The following ZNF536 variants were observed in gnomAD, a reference collection of about 807,000 sequenced individuals.
The protein encoded by ZNF536 is zinc finger protein 536.
In ZNF536, 13 loss-of-function variants were observed where a neutral mutation model predicts 84.5. The ratio of observed to expected loss-of-function variants is 0.15; its 90% CI spans 0.10 to 0.24. The LOEUF (loss-of-function observed/expected upper bound fraction) is 0.24, where lower values mean the gene tolerates loss of function less well. ZNF536 is among the 10% of genes least tolerant of loss of function. ZNF536 has a pLI of 1.00. For synonymous variants in ZNF536, 811 were observed against 742.5 expected, an observed-to-expected ratio of 1.09 and a Z score of -1.50; for missense variants, 1,536 against 1,747.5, an observed-to-expected ratio of 0.88 and a Z score of 2.16.
intron 2 of ZNF536, among the ~76,000 whole-genome samples, chr19:30,514,439 C>T (rs1326086702): frequency 6.6e-6 from 1 of 152,048 alleles, no homozygotes; most frequent in East Asian, 1.9e-4. Context: ...ACCCCTGGGT[C>T]CTGCAGGGGG....
rs551753285 is a variant in ZNF536 at position 30,393,953 on chromosome 19, G to A, written c.-3+21397G>A. Among the ~76,000 whole-genome samples the A allele has an allele frequency of 3.1e-3, 468 of 152,266 alleles. 3 individuals carry two copies. Among genetic ancestry groups the A allele is most frequent in the Non-Finnish European group, 3.7e-3 (255 of 68,030 alleles). ...CAGTGGTGGAGGAGATAGAGAGAAA[G>A]CAGATGTGAAACATGTGTGGGAAGA... On this transcript the variant is annotated intron_variant, in intron 1 of 4. Transcript: ENST00000355537.
intron 4 of ZNF536, among the ~76,000 whole-genome samples, chr19:30,552,682 C>A (rs531685533): frequency 6.6e-6 from 1 of 152,348 alleles, no homozygotes; most frequent in Admixed American, 6.5e-5. Flanking sequence ...AGCCAGGGTC[C>A]TGGCCAGTGT....
At position 30,557,459 on chromosome 19, in the gene ZNF536, G is replaced by A. The variant is rs2046005634; in HGVS notation, c.*295G>A. ...AAACTCCCTCAAAGTCATAAATCCTGAGTGACAACTGCTGCTGGATGACAG... is the reference window on the plus strand; with the variant it reads ...AAACTCCCTCAAAGTCATAAATCCTAAGTGACAACTGCTGCTGGATGACAG... On this transcript the variant is annotated 3_prime_UTR_variant, in exon 5 of 5. Coordinates refer to ENST00000355537, the MANE Select transcript of ZNF536 (RefSeq NM_014717.3). 2 of 299,458 alleles carry A rather than the reference G, an allele frequency of 6.7e-6. No homozygotes were observed. Among genetic ancestry groups the A allele is most frequent in the Admixed American group, 1.0e-4 (2 of 20,018 alleles). The allele number at this position is 299,458 out of a possible 1,614,324, so 18.6% of individuals were successfully genotyped here. A position where few individuals can be genotyped will look rare whatever the true frequency, so the allele number is the denominator to read the frequency against.
intron 1 of ZNF536, among the ~76,000 whole-genome samples, chr19:30,432,581 A>C (rs1021398234): frequency 6.6e-6 from 1 of 152,122 alleles, no homozygotes; most frequent in African/African-American, 2.4e-5. Flanking sequence ...AAAAGAAGGC[A>C]AGGGGAGACG....
intron 2 of ZNF536, among the ~76,000 whole-genome samples, chr19:30,333,838 C>T (rs540526499): frequency 1.3e-5 from 2 of 152,320 alleles, no homozygotes; most frequent in East Asian, 3.9e-4. Flanking sequence ...GTTTATTTAA[C>T]TGATGACTGC....
chr19:30,336,095 C>T (rs546866081), intron 2 of ZNF536, among the ~76,000 whole-genome samples: 4 of 152,212 alleles, frequency 2.6e-5, no homozygotes, highest in South Asian at 2.1e-4. Flanking sequence ...GAGGTGACCC[C>T]GCCCAGGCTG....
intron 2 of ZNF536, among the ~76,000 whole-genome samples, chr19:30,478,330 T>C (rs1176265063): frequency 6.6e-6 from 1 of 151,968 alleles, no homozygotes; most frequent in Non-Finnish European, 1.5e-5. Flanking sequence ...CCACGCGGGG[T>C]TGAGGAATGC....
chr19:30,488,795 G>A (rs1350748912), intron 2 of ZNF536, among the ~76,000 whole-genome samples: 1 of 152,196 alleles, frequency 6.6e-6, no homozygotes, highest in Non-Finnish European at 1.5e-5. Flanking sequence ...AAGTGGCCAA[G>A]GCTTCAGTTT....
intron 1 of ZNF536, among the ~76,000 whole-genome samples, chr19:30,673,220 A>G (rs2050626211): frequency 6.6e-6 from 1 of 152,160 alleles, no homozygotes; most frequent in Non-Finnish European, 1.5e-5. Flanking sequence ...TGTGTGACCT[A>G]TGAGACATGA....
At chr19:30,465,637 T>G (rs1006925281) in intron 2 of ZNF536, among the ~76,000 whole-genome samples, 2 of 152,206 alleles carry the variant, frequency 1.3e-5, no homozygotes, top group African/African-American at 2.4e-5. Context: ...AGGCCTGGAA[T>G]CCTGGTGCTT....
chr19:30,303,395 C>T (rs572440026), intron 2 of ZNF536, among the ~76,000 whole-genome samples: 59 of 152,284 alleles, frequency 3.9e-4, no homozygotes, highest in African/African-American at 1.3e-3. Flanking sequence ...GGGGCCTTGG[C>T]GCTGCCTCCA....
At chr19:30,700,753 A>G (rs780784651) in intron 1 of ZNF536, among the ~76,000 whole-genome samples, 3 of 152,194 alleles carry the variant, frequency 2.0e-5, no homozygotes, top group African/African-American at 7.2e-5. Context: ...GGTCAAATGT[A>G]TCCAATTGAC....
intron 2 of ZNF536, among the ~76,000 whole-genome samples, chr19:30,322,812 G>A (rs1350282430): frequency 6.6e-6 from 1 of 151,798 alleles, no homozygotes; most frequent in Non-Finnish European, 1.5e-5. Flanking sequence ...GCCTCAGATG[G>A]CCTGCGGTCC....
At chr19:30,288,251 G>A (rs1183660966) in intron 2 of ZNF536, among the ~76,000 whole-genome samples, 6 of 152,148 alleles carry the variant, frequency 3.9e-5, no homozygotes, top group Admixed American at 6.5e-5. Flanking sequence ...CTGGATGTCC[G>A]TCTCCTGGGC....
intron 2 of ZNF536, among the ~76,000 whole-genome samples, chr19:30,322,404 G>T (rs2146264279): frequency 6.6e-6 from 1 of 152,224 alleles, no homozygotes; most frequent in South Asian, 2.1e-4. Flanking sequence ...GGAAATTCCT[G>T]GCTCAGAGGA....
chr19:30,323,898 A>G (rs1323362751), intron 2 of ZNF536, among the ~76,000 whole-genome samples: 1 of 151,754 alleles, frequency 6.6e-6, no homozygotes, highest in Non-Finnish European at 1.5e-5. Flanking sequence ...AGTCAACCTG[A>G]CCATCCCTCT....
At chr19:30,360,784 G>A (rs979740286) in intron 3 of ZNF536, among the ~76,000 whole-genome samples, 1 of 152,214 alleles carries the variant, frequency 6.6e-6, no homozygotes, top group Non-Finnish European at 1.5e-5. Flanking sequence ...GATATTAATG[G>A]TGTGTGGTAG....
At chr19:30,566,249 G>A (rs948727057) in intron 1 of ZNF536, among the ~76,000 whole-genome samples, 4 of 152,178 alleles carry the variant, frequency 2.6e-5, no homozygotes, top group Admixed American at 6.5e-5. Flanking sequence ...AAAACCAGCC[G>A]TGTGGGGGCA....
At chr19:30,422,697 A>G (rs529983377) in intron 1 of ZNF536, among the ~76,000 whole-genome samples, 264 of 151,572 alleles carry the variant, frequency 1.7e-3, no homozygotes, top group African/African-American at 6.0e-3. Context: ...CCATCCTTCT[A>G]TCCTTCTATT....
Sources: gnomAD v4.1 joint callset for allele counts (sites outside exome capture counted in the v4.1 genomes callset) on GRCh38, gnomAD v4.1.1 for gene constraint, MANE v1.5 for transcripts, NCBI Gene and HGNC (gene_info 2026-07-23, HGNC 2026-07-21) for gene names.